The following DOCK1 variants were observed in gnomAD, a reference collection of about 807,000 sequenced individuals.
DOCK1 encodes the protein dedicator of cytokinesis 1.
DOCK1 carries 138 observed loss-of-function variants against 262.7 expected under a neutral mutation model. The observed-to-expected ratio is 0.53, with a 90% CI of 0.46 to 0.61. DOCK1 has a LOEUF of 0.61. Ranked by LOEUF, DOCK1 falls within the 20% of genes least tolerant of loss-of-function variation. The pLI is 0.00. For missense variants in DOCK1, 1,908 were observed against 2,370.7 expected, an observed-to-expected ratio of 0.80 and a Z score of 4.05; for synonymous variants, 866 against 867.4, an observed-to-expected ratio of 1.00 and a Z score of 0.03.
In DOCK1 at chr10:127,452,287, A is replaced by C. The variant is rs183964483; in HGVS notation, c.*860A>C. On this transcript the variant is annotated 3_prime_UTR_variant, in exon 52 of 52. Transcript: ENST00000623213. ...TTATCCATATGTGTTCTTAATTTTT[A>C]ACTGCTGGAAGTGTTAAAACACACA... 8.7e-5 allele frequency: 13 copies of C among 149,204 alleles called. No individual in the cohort carries two copies. The highest frequency in any genetic ancestry group is 2.1e-4 in the Admixed American group (3 of 14,522). 9.2% of individuals were successfully genotyped at this position (149,204 alleles called of 1,614,324 possible). A position where few individuals can be genotyped will look rare whatever the true frequency, so the allele number is the denominator to read the frequency against.
At chr10:127,169,196 TACAC>T (rs1309589979) in intron 27 of DOCK1, among the ~76,000 whole-genome samples, 2 of 152,226 alleles carry the variant, frequency 1.3e-5, no homozygotes, top group South Asian at 2.1e-4. Flanking sequence ...ATGTGTGTCA[TACAC>T]ACACAGAGTT....
Position 127,318,209 on chromosome 10 carries a change from C to T in DOCK1, c.3045-20797C>T, listed in dbSNP as rs80332745. Among the ~76,000 whole-genome samples, 1,020 of 152,300 alleles carry T rather than the reference C, an allele frequency of 6.7e-3. 22 individuals carry two copies. The East Asian group carries it at 0.091, about 14-fold the overall frequency. On this transcript the variant is annotated intron_variant, in intron 29 of 51. Coordinates refer to ENST00000623213, the MANE Select transcript of DOCK1 (RefSeq NM_001290223.2). Reference sequence around the variant, plus strand: ...TCCCTATTCGGTGTGCATTGAGTGCCTGCTAAGGGCTGGGCAGAGTGCTAG... The same window carrying T: ...TCCCTATTCGGTGTGCATTGAGTGCTTGCTAAGGGCTGGGCAGAGTGCTAG...
intron 27 of DOCK1, among the ~76,000 whole-genome samples, chr10:127,237,242 C>T (rs1004603129): frequency 2.6e-5 from 4 of 151,742 alleles, no homozygotes; most frequent in African/African-American, 9.7e-5. Flanking sequence ...TGCCTGTAAT[C>T]CCAGCTACTT....
chr10:127,118,665 A>G (rs55678623), intron 25 of DOCK1, among the ~76,000 whole-genome samples: 2,386 of 152,260 alleles, frequency 0.016, 71 homozygotes, highest in African/African-American at 0.054. Context: ...TTCAAATTCC[A>G]TGATACTGAA....
At chr10:127,375,341 A>G (rs374851123) in intron 35 of DOCK1, among the ~76,000 whole-genome samples, 19 of 152,338 alleles carry the variant, frequency 1.2e-4, no homozygotes, top group East Asian at 3.9e-4. Context: ...TGCCTGTCCC[A>G]TGGCAAGAAT....
chr10:126,937,513 G>GTTTT (rs1252931098), intron 1 of DOCK1, among the ~76,000 whole-genome samples: 4 of 145,088 alleles, frequency 2.8e-5, no homozygotes, highest in African/African-American at 5.0e-5. Flanking sequence ...GTTATTTTCT[G>GTTTT]TTTTTTTTTT....
At chr10:127,087,444 G>A (rs1266020642) in intron 23 of DOCK1, among the ~76,000 whole-genome samples, 1 of 152,146 alleles carries the variant, frequency 6.6e-6, no homozygotes, top group East Asian at 1.9e-4. Flanking sequence ...TGGAGTAGAG[G>A]GGTGCTGCTT....
At chr10:127,358,556 A>G (rs112262789) in intron 32 of DOCK1, among the ~76,000 whole-genome samples, 1 of 152,180 alleles carries the variant, frequency 6.6e-6, no homozygotes, top group African/African-American at 2.4e-5. Flanking sequence ...TGGAGCGAGC[A>G]CTAGACCCCA....
chr10:127,042,798 G>C (rs1181301993), intron 20 of DOCK1, 84 bp downstream of exon 20: 10 of 1,403,210 alleles, frequency 7.1e-6, no homozygotes, highest in Non-Finnish European at 9.0e-6. Flanking sequence ...CGGGGGCTTC[G>C]TCACAGTGAC....
At chr10:127,235,853 G>T (rs1373770304) in intron 27 of DOCK1, among the ~76,000 whole-genome samples, 1 of 151,618 alleles carries the variant, frequency 6.6e-6, no homozygotes, top group African/African-American at 2.4e-5. Flanking sequence ...GTTTTAACTT[G>T]CGTGTTCCTA....
chr10:127,007,292 T>C (rs1036316290), intron 10 of DOCK1: 13 of 152,178 alleles, frequency 8.5e-5, no homozygotes, highest in Admixed American at 7.2e-4. Context: ...TGCTGCTTTT[T>C]TGGTTCTATG....
At chr10:126,956,565 G>C (rs1254023343) in intron 1 of DOCK1, among the ~76,000 whole-genome samples, 1 of 152,206 alleles carries the variant, frequency 6.6e-6, no homozygotes, top group Admixed American at 6.5e-5. Context: ...CTTGCTGGGA[G>C]AGAAAAGCAG....
chr10:127,375,464 C>T (rs2065436949), intron 35 of DOCK1, among the ~76,000 whole-genome samples: 1 of 152,266 alleles, frequency 6.6e-6, no homozygotes, highest in African/African-American at 2.4e-5. Flanking sequence ...CTCACTGCCA[C>T]ATCCACCCCT....
intron 29 of DOCK1, among the ~76,000 whole-genome samples, chr10:127,287,401 G>A (rs535804193): frequency 3.3e-4 from 50 of 151,828 alleles, no homozygotes; most frequent in African/African-American, 8.7e-4. Flanking sequence ...TGTTGGCCAG[G>A]CTGCTCTTGA....
intron 49 of DOCK1, among the ~76,000 whole-genome samples, chr10:127,439,623 T>C (rs2069947039): frequency 6.6e-6 from 1 of 152,200 alleles, no homozygotes; most frequent in Non-Finnish European, 1.5e-5. Flanking sequence ...ACTGGAACTC[T>C]TCTAAGCTAG....
At chr10:127,444,415 T>C in intron 50 of DOCK1, 136 bp downstream of exon 50, 1 of 1,167,102 alleles carries the variant, frequency 8.6e-7, no homozygotes. Context: ...CCTGGCTCCC[T>C]GGGAGTGTCC....
intron 29 of DOCK1, among the ~76,000 whole-genome samples, chr10:127,309,195 G>A (rs1401605489): frequency 6.9e-6 from 1 of 145,260 alleles, no homozygotes; most frequent in Non-Finnish European, 1.5e-5. Context: ...CAGTGATGTT[G>A]AGCTTTTTTT....
intron 46 of DOCK1, among the ~76,000 whole-genome samples, chr10:127,420,571 T>C (rs1377217549): frequency 2.0e-5 from 3 of 152,126 alleles, no homozygotes; most frequent in African/African-American, 7.2e-5. Flanking sequence ...TGCATGGGTT[T>C]GGACCAGGTG....
chr10:127,053,708 TA>T, intron 22 of DOCK1, among the ~76,000 whole-genome samples: 1 of 152,244 alleles, frequency 6.6e-6, no homozygotes, highest in East Asian at 1.9e-4. Context: ...TTGGGATATT[TA>T]TGGCTTATTT....
Sources: allele counts gnomAD v4.1 joint callset (sites outside exome capture counted in the v4.1 genomes callset), GRCh38; gene constraint gnomAD v4.1.1; transcripts MANE v1.5; gene names NCBI Gene and HGNC (gene_info 2026-07-23, HGNC 2026-07-21).